The following RAPGEF2 variants were observed in gnomAD, a reference collection of about 807,000 sequenced individuals.
RAPGEF2 encodes the protein Rap guanine nucleotide exchange factor 2.
A neutral mutation model predicts 186.7 loss-of-function variants in RAPGEF2; 54 were observed. That is an observed-to-expected ratio of 0.29 (90% CI 0.23 to 0.36). The LOEUF is 0.36. Ranked by LOEUF, RAPGEF2 falls within the 10% of genes least tolerant of loss-of-function variation. The probability of loss-of-function intolerance (pLI) is 1.00; values close to 1 mark genes in which losing one functional copy is unlikely to be tolerated. For synonymous variants in RAPGEF2, 712 were observed against 705.9 expected, an observed-to-expected ratio of 1.01 and a Z score of -0.14; for missense variants, 1,532 against 2,045.0, an observed-to-expected ratio of 0.75 and a Z score of 4.84.
Position 159,104,040 on chromosome 4 carries a change from T to G in RAPGEF2, c.-123T>G. The G allele has an allele frequency of 5.8e-5, 21 of 360,892 alleles. No homozygotes were observed. Among genetic ancestry groups the G allele is most frequent in the Non-Finnish European group, 7.1e-5 (18 of 254,690 alleles). 22.4% of individuals were successfully genotyped at this position (360,892 alleles called of 1,614,324 possible). A position where few individuals can be genotyped will look rare whatever the true frequency, so the allele number is the denominator to read the frequency against. ...GGGCCCCGCGCCGCCGCCGCCGCGG[T>G]TTGGCTGATTAGTCGCGGGCGGGCG... On this transcript the variant is annotated 5_prime_UTR_variant, in exon 1 of 30. Transcript: ENST00000691494.
intron 1 of RAPGEF2, among the ~76,000 whole-genome samples, chr4:159,121,708 A>T (rs1739700903): frequency 6.6e-6 from 1 of 151,652 alleles, no homozygotes; most frequent in South Asian, 2.1e-4. Context: ...ATTTGAAAAA[A>T]CTTGCAAATG....
intron 13 of RAPGEF2, 103 bp downstream of exon 13, chr4:159,330,601 G>A: frequency 9.1e-6 from 7 of 766,142 alleles, no homozygotes; most frequent in East Asian, 3.1e-5. Context: ...TTAATGTAAT[G>A]AAATAGGAGA....
rs184925645 is a variant in RAPGEF2 at position 159,273,125 on chromosome 4, T to C, written c.543+29334T>C. On this transcript the variant is annotated intron_variant, in intron 7 of 29. Coordinates refer to ENST00000691494, the MANE Select transcript of RAPGEF2 (RefSeq NM_001394067.2). ...GACTCCACCTCTTCATTATCTGATCTTTATTTTGTCTGTTATAACAGATAT... is the reference window on the plus strand; with the variant it reads ...GACTCCACCTCTTCATTATCTGATCCTTATTTTGTCTGTTATAACAGATAT... Among the ~76,000 whole-genome samples, 310 of 152,348 alleles carry C rather than the reference T, an allele frequency of 2.0e-3. 5 individuals are homozygous for C. Among genetic ancestry groups the C allele is most frequent in the Admixed American group, 3.2e-3 (49 of 15,302 alleles).
intron 1 of RAPGEF2, among the ~76,000 whole-genome samples, chr4:159,163,104 A>G (rs992097543): frequency 6.6e-6 from 1 of 152,184 alleles, no homozygotes; most frequent in South Asian, 2.1e-4. Flanking sequence ...GTATCATACT[A>G]TTCCAGAAAA....
At chr4:159,178,412 C>G (rs542737185) in intron 1 of RAPGEF2, among the ~76,000 whole-genome samples, 92 of 152,216 alleles carry the variant, frequency 6.0e-4, no homozygotes, top group Non-Finnish European at 1.0e-3. Context: ...ACAAATGAAA[C>G]TAAAAGCTAG....
At chr4:159,253,026 A>C (rs911823058) in intron 7 of RAPGEF2, among the ~76,000 whole-genome samples, 1 of 152,262 alleles carries the variant, frequency 6.6e-6, no homozygotes, top group African/African-American at 2.4e-5. Flanking sequence ...ATATTGGTCT[A>C]ATAGACAGTT....
chr4:159,275,322 TTAGC>T (rs1561192160), intron 7 of RAPGEF2, among the ~76,000 whole-genome samples: 1 of 152,272 alleles, frequency 6.6e-6, no homozygotes, highest in East Asian at 1.9e-4. Context: ...TAGGCATGAG[TTAGC>T]CTTAGATTTA....
chr4:159,120,263 A>G (rs1056028634), intron 1 of RAPGEF2, among the ~76,000 whole-genome samples: 2 of 152,182 alleles, frequency 1.3e-5, no homozygotes, highest in African/African-American at 4.8e-5. Context: ...CACGTGATCT[A>G]CATGCCTTGG....
chr4:159,358,153 C>G lies in RAPGEF2; in HGVS notation c.*14C>G. The stretch of plus-strand genomic sequence containing the variant: ...TCTGCTGTTTGAGGCACAGACTTTT[C>G]TGGAAGCAGAGCGAGCCACCTGAAA... On this transcript the variant is annotated 3_prime_UTR_variant, in exon 30 of 30. Coordinates refer to ENST00000691494, the MANE Select transcript of RAPGEF2 (RefSeq NM_001394067.2). 6.2e-7 allele frequency: 1 copy of G among 1,610,466 alleles called. No homozygotes were observed. The highest frequency in any genetic ancestry group is 1.7e-5 in the Admixed American group (1 of 59,452).
intron 3 of RAPGEF2, among the ~76,000 whole-genome samples, chr4:159,204,484 A>T (rs969921172): frequency 3.9e-5 from 6 of 152,158 alleles, no homozygotes; most frequent in African/African-American, 1.4e-4. Context: ...CATGCCCATT[A>T]TTCTTTGTTT....
intron 1 of RAPGEF2, among the ~76,000 whole-genome samples, chr4:159,155,921 T>A (rs1489111495): frequency 6.6e-6 from 1 of 152,214 alleles, no homozygotes; most frequent in African/African-American, 2.4e-5. Flanking sequence ...AACTTTTACT[T>A]TGATTCATAG....
chr4:159,208,023 T>A (rs1339569409), intron 3 of RAPGEF2, among the ~76,000 whole-genome samples: 1 of 152,240 alleles, frequency 6.6e-6, no homozygotes, highest in Non-Finnish European at 1.5e-5. Flanking sequence ...TTTAGAAATC[T>A]TTTTATTTTT....
rs377564531 is a variant in RAPGEF2, at chr4:159,332,650, G to A, written c.2088G>A (p.Lys696=). The A allele has an allele frequency of 1.2e-6, 2 of 1,613,980 alleles. No individual in the cohort carries two copies. The highest frequency in any genetic ancestry group is 1.1e-5 in the South Asian group (1 of 91,078). The part of the protein sequence containing the change: ...NTVGGRNKLK[K]ILDKTRISIL... Reference sequence around the variant, plus strand: ...TGGGAGGAAGGAACAAGCTGAAAAAGATACTCGACAAGACTCGGATCAGTA... The same window carrying A: ...TGGGAGGAAGGAACAAGCTGAAAAAAATACTCGACAAGACTCGGATCAGTA... The change falls in exon 17 of 30, where the codon AAG becomes AAA. Residue 696 remains lysine (K), a synonymous_variant. Transcript: ENST00000691494.
intron 3 of RAPGEF2, among the ~76,000 whole-genome samples, chr4:159,209,353 C>T (rs1750291600): frequency 6.6e-6 from 1 of 152,166 alleles, no homozygotes; most frequent in Non-Finnish European, 1.5e-5. Context: ...ATCATTTTCA[C>T]CAAGCCGATT....
chr4:159,149,679 A>G (rs1743322903), intron 1 of RAPGEF2, among the ~76,000 whole-genome samples: 1 of 152,178 alleles, frequency 6.6e-6, no homozygotes, highest in Admixed American at 6.5e-5. Flanking sequence ...TATTTTGAGT[A>G]TGTATTTCCC....
chr4:159,104,296 T>G, intron 1 of RAPGEF2, 65 bp downstream of exon 1: 10 of 620,070 alleles, frequency 1.6e-5, no homozygotes, highest in African/African-American at 2.2e-5. Context: ...TCTTCCCCTG[T>G]CCCCCCACCT....
chr4:159,182,618 A>G (rs564810304), intron 1 of RAPGEF2, among the ~76,000 whole-genome samples: 1 of 151,486 alleles, frequency 6.6e-6, no homozygotes, highest in Non-Finnish European at 1.5e-5. Flanking sequence ...CTGGTCTCGA[A>G]CTCCTAACCT....
At chr4:159,285,946 T>C (rs1259712631) in intron 7 of RAPGEF2, among the ~76,000 whole-genome samples, 1 of 152,104 alleles carries the variant, frequency 6.6e-6, no homozygotes, top group Non-Finnish European at 1.5e-5. Flanking sequence ...CTATATTTAA[T>C]TGCCCACTGG....
chr4:159,340,446 A>G (rs1729228045), intron 19 of RAPGEF2, among the ~76,000 whole-genome samples: 1 of 152,152 alleles, frequency 6.6e-6, no homozygotes, highest in African/African-American at 2.4e-5. Context: ...TGGGTATGTC[A>G]TGGGCTTCAT....
Sources: gnomAD v4.1 joint callset for allele counts (sites outside exome capture counted in the v4.1 genomes callset) on GRCh38, gnomAD v4.1.1 for gene constraint, MANE v1.5 for transcripts, NCBI Gene and HGNC (gene_info 2026-07-23, HGNC 2026-07-21) for gene names.